ENTREP2: variants seen among roughly 807,000 people sequenced by gnomAD.
The protein encoded by ENTREP2 is endosomal transmembrane epsin interactor 2.
chr15:29,402,265 T>TATATATATATATATATAC, the ENTREP2 span, among the ~76,000 whole-genome samples: 1,448 of 137,720 alleles, frequency 0.011, 46 homozygotes, highest in African/African-American at 0.033. Context: ...TATATATATA[T>TATATATATATATATATAC]ACACACACAT....
At chr15:29,356,493 G>C in the ENTREP2 span, among the ~76,000 whole-genome samples, 5 of 150,908 alleles carry the variant, frequency 3.3e-5, no homozygotes, top group Admixed American at 6.6e-5. Flanking sequence ...TTTTAGTAGA[G>C]ACGGGGTTTC....
the ENTREP2 span, among the ~76,000 whole-genome samples, chr15:29,654,542 A>T: frequency 8.1e-3 from 1,230 of 152,262 alleles, 15 homozygotes; most frequent in African/African-American, 0.023. Context: ...TAAATTCCCC[A>T]TTTCTATCAA....
the ENTREP2 span, among the ~76,000 whole-genome samples, chr15:29,621,271 C>A: frequency 6.6e-6 from 1 of 151,828 alleles, no homozygotes; most frequent in Non-Finnish European, 1.5e-5. Context: ...CGCCTGTAAT[C>A]CCAGCACTAT....
chr15:29,182,361 G>A, the ENTREP2 span, among the ~76,000 whole-genome samples: 4 of 151,986 alleles, frequency 2.6e-5, no homozygotes, highest in East Asian at 3.9e-4. Flanking sequence ...TCCTGACCTC[G>A]TGATCCGCCT....
the ENTREP2 span, among the ~76,000 whole-genome samples, chr15:29,563,210 G>A: frequency 6.6e-6 from 1 of 152,106 alleles, no homozygotes; most frequent in African/African-American, 2.4e-5. Flanking sequence ...TTTTAGGAAG[G>A]TTTTCTTGCA....
At chr15:29,570,519 A>G in the ENTREP2 span, 1 of 1,409,146 alleles carries the variant, frequency 7.1e-7, no homozygotes, top group Non-Finnish European at 9.3e-7. Context: ...AAGCCTGCCC[A>G]GAAGGGGCAG....
At chr15:29,655,462 C>T in the ENTREP2 span, among the ~76,000 whole-genome samples, 7 of 152,168 alleles carry the variant, frequency 4.6e-5, no homozygotes. Flanking sequence ...TACTGTGTAA[C>T]ACAACATGTT....
chr15:29,206,180 G>T, the ENTREP2 span, among the ~76,000 whole-genome samples: 1 of 152,210 alleles, frequency 6.6e-6, no homozygotes. Flanking sequence ...AACACCAGCA[G>T]ATTTGGTGTA....
At chr15:29,643,704 C>A in the ENTREP2 span, among the ~76,000 whole-genome samples, 2 of 150,756 alleles carry the variant, frequency 1.3e-5, no homozygotes, top group Non-Finnish European at 2.9e-5. Context: ...TGATGGGAAC[C>A]TGGGAGGCGG....
At chr15:29,249,913 C>G in the ENTREP2 span, among the ~76,000 whole-genome samples, 1 of 151,942 alleles carries the variant, frequency 6.6e-6, no homozygotes, top group Admixed American at 6.6e-5. Flanking sequence ...AGAGAGAAAG[C>G]AAGGAAGGGA....
At chr15:29,556,728 G>A in the ENTREP2 span, among the ~76,000 whole-genome samples, 1 of 151,326 alleles carries the variant, frequency 6.6e-6, no homozygotes. Context: ...GTCCTCTGAA[G>A]TTCTCTCTCC....
the ENTREP2 span, among the ~76,000 whole-genome samples, chr15:29,314,690 T>C: frequency 2.0e-5 from 3 of 152,224 alleles, no homozygotes; most frequent in Non-Finnish European, 4.4e-5. Flanking sequence ...AAACCTGCAA[T>C]ATCTCTGAAT....
chr15:29,571,085 C>A, the ENTREP2 span, among the ~76,000 whole-genome samples: 4 of 150,214 alleles, frequency 2.7e-5, no homozygotes, highest in Admixed American at 6.6e-5. Context: ...CGAGCCCCGC[C>A]GCCGTGCGCT....
chr15:29,117,834 T>C, the ENTREP2 span: 63 of 151,156 alleles, frequency 4.2e-4, no homozygotes, highest in African/African-American at 1.5e-3. Flanking sequence ...TCCCGTCGTC[T>C]CTTCTGGGCA....
At chr15:29,417,012 T>C in the ENTREP2 span, among the ~76,000 whole-genome samples, 1 of 152,154 alleles carries the variant, frequency 6.6e-6, no homozygotes, top group Non-Finnish European at 1.5e-5. Flanking sequence ...CTGGAGAGGG[T>C]GTGGAGAAAT....
chr15:29,212,678 G>C, the ENTREP2 span, among the ~76,000 whole-genome samples: 1 of 152,160 alleles, frequency 6.6e-6, no homozygotes, highest in African/African-American at 2.4e-5. Context: ...GGTTTTGACA[G>C]TTTGTGTCAT....
the ENTREP2 span, among the ~76,000 whole-genome samples, chr15:29,158,164 G>A: frequency 6.6e-6 from 1 of 152,146 alleles, no homozygotes; most frequent in African/African-American, 2.4e-5. Context: ...TTTCGCATAT[G>A]CTACCAAATG....
At chr15:29,660,144 G>GT in the ENTREP2 span, among the ~76,000 whole-genome samples, 5 of 152,148 alleles carry the variant, frequency 3.3e-5, no homozygotes, top group South Asian at 2.1e-4. Flanking sequence ...CATTTAAATT[G>GT]TTTTTGGCTT....
the ENTREP2 span, among the ~76,000 whole-genome samples, chr15:29,404,496 T>C: frequency 6.6e-6 from 1 of 152,008 alleles, no homozygotes; most frequent in Non-Finnish European, 1.5e-5. Context: ...CCCAGCAGGC[T>C]GACACTGATC....
Sources: gnomAD v4.1 joint callset for allele counts (sites outside exome capture counted in the v4.1 genomes callset) on GRCh38, gnomAD v4.1.1 for gene constraint, MANE v1.5 for transcripts, NCBI Gene and HGNC (gene_info 2026-07-23, HGNC 2026-07-21) for gene names.